The following PTPRT variants were observed in gnomAD, a reference collection of about 807,000 sequenced individuals.
PTPRT encodes the protein protein tyrosine phosphatase receptor type T.
PTPRT carries 56 observed loss-of-function variants against 176.8 expected under a neutral mutation model. That is an observed-to-expected ratio of 0.32 (90% CI 0.26 to 0.40). The LOEUF is 0.40. PTPRT is among the 10% of genes least tolerant of loss of function. The pLI is 1.00. For missense variants in PTPRT, 1,540 were observed against 1,908.2 expected, an observed-to-expected ratio of 0.81 and a Z score of 3.60; for synonymous variants, 783 against 739.0, an observed-to-expected ratio of 1.06 and a Z score of -0.96.
intron 7 of PTPRT, among the ~76,000 whole-genome samples, chr20:42,574,734 A>C (rs933304436): frequency 3.3e-5 from 5 of 152,116 alleles, no homozygotes; most frequent in African/African-American, 1.2e-4. Flanking sequence ...CCCCACTCAA[A>C]TCTCATCTCG....
At chr20:42,825,892 A>T (rs2077984393) in intron 2 of PTPRT, among the ~76,000 whole-genome samples, 1 of 152,154 alleles carries the variant, frequency 6.6e-6, no homozygotes, top group Non-Finnish European at 1.5e-5. Context: ...GAGTACCAAA[A>T]GGACCCAGAA....
intron 7 of PTPRT, among the ~76,000 whole-genome samples, chr20:42,495,505 G>A (rs887840817): frequency 3.3e-5 from 5 of 152,256 alleles, no homozygotes; most frequent in African/African-American, 7.2e-5. Flanking sequence ...AATTAACAAG[G>A]AGAAGAAGAA....
chr20:42,911,431 T>C (rs931182938), intron 1 of PTPRT, among the ~76,000 whole-genome samples: 2 of 152,118 alleles, frequency 1.3e-5, no homozygotes, highest in African/African-American at 4.8e-5. Flanking sequence ...GCCATAACTA[T>C]TGACAGATAT....
intron 2 of PTPRT, among the ~76,000 whole-genome samples, chr20:42,851,756 G>A (rs773794275): frequency 6.6e-6 from 1 of 152,130 alleles, no homozygotes; most frequent in Non-Finnish European, 1.5e-5. Context: ...CAAGCAATAC[G>A]TAAATGAATG....
chr20:42,088,736 C>A (rs1195808176), intron 27 of PTPRT, among the ~76,000 whole-genome samples: 1 of 152,170 alleles, frequency 6.6e-6, no homozygotes, highest in Admixed American at 6.5e-5. Context: ...GTAACAAAGA[C>A]CATATAGCCT....
At position 42,399,124 on chromosome 20, in the gene PTPRT, C is replaced by T. The variant is rs118120224; in HGVS notation, c.1561-46839G>A. On this transcript the variant is annotated intron_variant, in intron 9 of 30. Transcript: ENST00000373187. The stretch of plus-strand genomic sequence containing the variant: ...TAGACTTGCACATCATCACTTCTAC[C>T]ACTTTCTATTAGTCAAAAAGATTCA... 7.9e-5 allele frequency among the ~76,000 whole-genome samples: 12 copies of T among 152,350 alleles called. No individual in the cohort carries two copies. In the East Asian group the frequency reaches 2.1e-3, roughly 27 times the overall value.
chr20:42,255,244 T>A (rs1405042780), intron 13 of PTPRT, among the ~76,000 whole-genome samples: 1 of 152,226 alleles, frequency 6.6e-6, no homozygotes, highest in East Asian at 1.9e-4. Flanking sequence ...GTGACCTTGA[T>A]CAAACCTGTT....
chr20:42,435,835 T>C (rs113789108), intron 9 of PTPRT, among the ~76,000 whole-genome samples: 60 of 152,238 alleles, frequency 3.9e-4, no homozygotes, highest in African/African-American at 1.3e-3. Flanking sequence ...TGAACAAGTA[T>C]GAGGAGGAGG....
At chr20:42,988,128 C>T (rs1018178143) in intron 1 of PTPRT, among the ~76,000 whole-genome samples, 1 of 152,106 alleles carries the variant, frequency 6.6e-6, no homozygotes, top group African/African-American at 2.4e-5. Context: ...ATTTTGTGCC[C>T]CATCTTGGAG....
At chr20:42,448,435 G>T in intron 8 of PTPRT, 106 bp from the exon 9 acceptor site, 1 of 827,252 alleles carries the variant, frequency 1.2e-6, no homozygotes, top group East Asian at 2.5e-5. Flanking sequence ...GAACCAGATA[G>T]TAAATATTTT....
At chr20:42,129,925 C>A (rs930011604) in intron 18 of PTPRT, among the ~76,000 whole-genome samples, 4 of 152,200 alleles carry the variant, frequency 2.6e-5, no homozygotes, top group African/African-American at 9.7e-5. Flanking sequence ...CTCAGTAGTA[C>A]ATGGAAAAGG....
intron 1 of PTPRT, among the ~76,000 whole-genome samples, chr20:42,923,973 T>C (rs1979326292): frequency 6.6e-6 from 1 of 152,198 alleles, no homozygotes; most frequent in Non-Finnish European, 1.5e-5. Context: ...GCCTCCCCAG[T>C]AGCTGGGATT....
chr20:42,614,395 G>C (rs2074028523), intron 7 of PTPRT, among the ~76,000 whole-genome samples: 1 of 152,072 alleles, frequency 6.6e-6, no homozygotes, highest in East Asian at 1.9e-4. Flanking sequence ...TATAATTCAG[G>C]TCCATAGTAC....
At position 42,733,006 on chromosome 20, in the gene PTPRT, A is replaced by G. The variant is rs140023789; in HGVS notation, c.859+23456T>C. Among the ~76,000 whole-genome samples the G allele has an allele frequency of 2.4e-3, 360 of 152,320 alleles. 1 individual carries two copies. Among genetic ancestry groups the G allele is most frequent in the Non-Finnish European group, 3.6e-3 (242 of 68,016 alleles). The stretch of plus-strand genomic sequence containing the variant: ...CCAGTTTTAGGATGAATAAATGGGA[A>G]CACTGATATCTCGAGAGGCCTTCTC... On this transcript the variant is annotated intron_variant, in intron 6 of 30. Transcript: ENST00000373187.
chr20:42,929,033 C>T (rs1979663713), intron 1 of PTPRT, among the ~76,000 whole-genome samples: 1 of 152,212 alleles, frequency 6.6e-6, no homozygotes, highest in Non-Finnish European at 1.5e-5. Flanking sequence ...CTTTGCCCAT[C>T]AATTTGGCAA....
chr20:42,418,105 T>C (rs4812596), intron 9 of PTPRT, among the ~76,000 whole-genome samples: 139,853 of 152,248 alleles, frequency 0.92, 64,443 homozygotes, highest in East Asian at 1. Flanking sequence ...AAGTATGATT[T>C]GTCTGGACTG....
intron 17 of PTPRT, 82 bp downstream of exon 17, chr20:42,161,270 C>A: frequency 6.6e-7 from 1 of 1,526,038 alleles, no homozygotes; most frequent in East Asian, 2.3e-5. Context: ...GGCCAGGGAG[C>A]CATACTTTTT....
chr20:42,574,836 G>A (rs2073227399), intron 7 of PTPRT, among the ~76,000 whole-genome samples: 1 of 152,138 alleles, frequency 6.6e-6, no homozygotes, highest in Non-Finnish European at 1.5e-5. Context: ...ATGATAGTGA[G>A]TTCTCAAGAG....
At chr20:42,820,166 A>G (rs1378455605) in intron 2 of PTPRT, among the ~76,000 whole-genome samples, 1 of 152,218 alleles carries the variant, frequency 6.6e-6, no homozygotes, top group Non-Finnish European at 1.5e-5. Flanking sequence ...AAATAATTGG[A>G]AGTAAAACAC....
Sources: gnomAD v4.1 joint callset for allele counts (sites outside exome capture counted in the v4.1 genomes callset) on GRCh38, gnomAD v4.1.1 for gene constraint, MANE v1.5 for transcripts, NCBI Gene and HGNC (gene_info 2026-07-23, HGNC 2026-07-21) for gene names.